Variants in GRIA1 observed in about 807,000 individuals in gnomAD.
GRIA1 encodes the protein glutamate receptor 1.
GRIA1 carries 31 observed loss-of-function variants against 99.2 expected under a neutral mutation model. The ratio of observed to expected loss-of-function variants is 0.31; its 90% CI spans 0.23 to 0.42. The LOEUF is 0.42. Ranked by LOEUF, GRIA1 falls within the 10% of genes least tolerant of loss-of-function variation. GRIA1 has a pLI of 1.00. For missense variants in GRIA1, 782 were observed against 1,157.5 expected (o/e 0.68, Z 4.71); for synonymous variants, 438 against 432.4 (o/e 1.01, Z -0.16).
At chr5:153,749,308 ACTG>A (rs1762359991) in intron 11 of GRIA1, among the ~76,000 whole-genome samples, 7 of 152,094 alleles carry the variant, frequency 4.6e-5, no homozygotes, top group Non-Finnish European at 1.0e-4. Context: ...AGGTATGAAA[ACTG>A]AGGCTTAGAG....
intron 2 of GRIA1, among the ~76,000 whole-genome samples, chr5:153,644,914 C>A (rs143873337): frequency 3.1e-4 from 47 of 151,644 alleles, no homozygotes; most frequent in African/African-American, 1.1e-3. Flanking sequence ...AAGGAGAAGA[C>A]GGTTGTAAGT....
chr5:153,622,567 T>G (rs1451817132), intron 2 of GRIA1, among the ~76,000 whole-genome samples: 2 of 148,214 alleles, frequency 1.3e-5, no homozygotes, highest in Non-Finnish European at 3.0e-5. Context: ...TTGAAAGAAA[T>G]AGCAATGTAA....
chr5:153,550,880 C>CT (rs1171953949), intron 2 of GRIA1, among the ~76,000 whole-genome samples: 1 of 152,062 alleles, frequency 6.6e-6, no homozygotes, highest in Non-Finnish European at 1.5e-5. Context: ...AATTTATATT[C>CT]TTTTTTATTA....
chr5:153,588,524 G>C (rs1763694614), intron 2 of GRIA1, among the ~76,000 whole-genome samples: 2 of 152,216 alleles, frequency 1.3e-5, no homozygotes, highest in Non-Finnish European at 2.9e-5. Context: ...AGAACATAGT[G>C]ACAGAAGGAG....
At position 153,673,954 on chromosome 5, in the gene GRIA1, G is replaced by A. The variant is rs73285450; in HGVS notation, c.700-546G>A. 8.5e-3 allele frequency among the ~76,000 whole-genome samples: 1,299 copies of A among 152,272 alleles called. 17 individuals carry two copies. Among genetic ancestry groups the A allele is most frequent in the African/African-American group, 0.029 (1,224 of 41,558 alleles). On this transcript the variant is annotated intron_variant, in intron 5 of 15. Coordinates refer to ENST00000285900, the MANE Select transcript of GRIA1 (RefSeq NM_000827.4). ...AGGATGGAGACTGGGATCAGAACTC[G>A]GCCTCTTCCACAGACTTGCTGGTGT...
chr5:153,491,887 G>GA (rs1753950251), intron 1 of GRIA1, among the ~76,000 whole-genome samples: 1 of 152,086 alleles, frequency 6.6e-6, no homozygotes, highest in Non-Finnish European at 1.5e-5. Flanking sequence ...ATTTCTGAGG[G>GA]GACTGACAGA....
chr5:153,613,642 G>C (rs761635770), intron 2 of GRIA1, among the ~76,000 whole-genome samples: 12 of 150,560 alleles, frequency 8.0e-5, no homozygotes, highest in Admixed American at 7.9e-4. Context: ...TTGTGATTTT[G>C]CCATTACTTT....
At chr5:153,735,365 G>C (rs1444683274) in intron 11 of GRIA1, among the ~76,000 whole-genome samples, 1 of 152,180 alleles carries the variant, frequency 6.6e-6, no homozygotes, top group Non-Finnish European at 1.5e-5. Flanking sequence ...CTCTAAGGGG[G>C]TCCACGTGAG....
intron 2 of GRIA1, among the ~76,000 whole-genome samples, chr5:153,630,784 G>T (rs139198363): frequency 6.6e-6 from 1 of 152,300 alleles, no homozygotes; most frequent in Non-Finnish European, 1.5e-5. Flanking sequence ...AAAACCAACA[G>T]GTGGCCCCAG....
chr5:153,540,616 G>A (rs192705594), intron 2 of GRIA1, among the ~76,000 whole-genome samples: 2 of 152,252 alleles, frequency 1.3e-5, no homozygotes, highest in Admixed American at 1.3e-4. Flanking sequence ...GTTAGTTACT[G>A]AGAATATACT....
At chr5:153,612,367 G>A (rs1486338479) in intron 2 of GRIA1, among the ~76,000 whole-genome samples, 1 of 152,232 alleles carries the variant, frequency 6.6e-6, no homozygotes, top group Non-Finnish European at 1.5e-5. Context: ...CCAACCTCAT[G>A]TCACATATAA....
At chr5:153,785,406 AT>A (rs1304868676) in intron 13 of GRIA1, among the ~76,000 whole-genome samples, 3 of 152,208 alleles carry the variant, frequency 2.0e-5, no homozygotes, top group African/African-American at 7.2e-5. Flanking sequence ...GATATCATGT[AT>A]CAGTAAAATT....
chr5:153,628,879 A>G (rs553907582), intron 2 of GRIA1, among the ~76,000 whole-genome samples: 1 of 152,310 alleles, frequency 6.6e-6, no homozygotes, highest in South Asian at 2.1e-4. Context: ...CAGTTACCAT[A>G]GTCAGCCTCT....
chr5:153,686,403 G>GT, intron 8 of GRIA1, 74 bp downstream of exon 8: 1 of 1,043,812 alleles, frequency 9.6e-7, no homozygotes, highest in Non-Finnish European at 1.5e-6. Context: ...CTGAGGGCCT[G>GT]TGAGTCCACC....
intron 2 of GRIA1, among the ~76,000 whole-genome samples, chr5:153,597,786 T>C (rs1764552328): frequency 6.6e-6 from 1 of 151,702 alleles, no homozygotes; most frequent in South Asian, 2.1e-4. Context: ...TGCAGGAGAA[T>C]TACTTACACC....
Position 153,811,086 on chromosome 5 carries a change from G to A in GRIA1, c.2582G>A (p.Arg861His), listed in dbSNP as rs750421563. ...GCCATACGGACATCGACCCTCCCCC[G>A]CAACAGCGGGGCAGGAGCCAGCAGC... Reference protein sequence around the residue: ...NEAIRTSTLPRNSGAGASSGG... With the variant: ...NEAIRTSTLPHNSGAGASSGG... Residue 861 changes from arginine (R) to histidine (H), a missense_variant, in exon 16 of 16, where the codon CGC (arginine) becomes CAC (histidine). This residue lies in a region of GRIA1 where 76 missense variants were observed against 81.2 expected (regional missense o/e 0.94). Coordinates refer to ENST00000285900, the MANE Select transcript of GRIA1 (RefSeq NM_000827.4). 1.3e-5 allele frequency: 21 copies of A among 1,613,860 alleles called. No individual in the cohort carries two copies. Among genetic ancestry groups the A allele is most frequent in the Middle Eastern group, 1.6e-4 (1 of 6,084 alleles).
At chr5:153,607,791 GTAT>G (rs1295693051) in intron 2 of GRIA1, among the ~76,000 whole-genome samples, 6 of 152,052 alleles carry the variant, frequency 3.9e-5, no homozygotes, top group Non-Finnish European at 7.4e-5. Context: ...CGACAATATG[GTAT>G]TATTGTTGTT....
chr5:153,559,567 C>T (rs1409950081), intron 2 of GRIA1, among the ~76,000 whole-genome samples: 3 of 152,184 alleles, frequency 2.0e-5, no homozygotes, highest in Admixed American at 6.5e-5. Context: ...TGCTTATTAT[C>T]AAGTATCATG....
intron 11 of GRIA1, among the ~76,000 whole-genome samples, chr5:153,751,057 G>A (rs1561829623): frequency 6.6e-6 from 1 of 152,104 alleles, no homozygotes; most frequent in Non-Finnish European, 1.5e-5. Context: ...CCGAGATCAC[G>A]CCACTGCACT....
Sources: allele counts gnomAD v4.1 joint callset (sites outside exome capture counted in the v4.1 genomes callset), GRCh38; gene constraint gnomAD v4.1.1; regional missense constraint gnomAD v4.1.1; transcripts MANE v1.5; gene names NCBI Gene and HGNC (gene_info 2026-07-23, HGNC 2026-07-21).